Variants in PTBP1 observed in about 807,000 individuals in gnomAD.
PTBP1 encodes polypyrimidine tract-binding protein 1.
A neutral mutation model predicts 59.8 loss-of-function variants in PTBP1; 8 were observed. The ratio of observed to expected loss-of-function variants is 0.13; its 90% confidence interval spans 0.08 to 0.24. PTBP1 has a LOEUF of 0.24. Ranked by LOEUF, PTBP1 falls within the 10% of genes least tolerant of loss-of-function variation. The probability of loss-of-function intolerance (pLI) is 1.00; values close to 1 mark genes in which losing one functional copy is unlikely to be tolerated. For missense variants in PTBP1, 686 were observed against 767.0 expected, an observed-to-expected ratio of 0.89 and a Z score of 1.25; for synonymous variants, 490 against 320.7, an observed-to-expected ratio of 1.53 and a Z score of -5.64.
intron 7 of PTBP1, 32 bp from the exon 8 acceptor site, chr19:804,981 C>G (rs1276960211): frequency 1.2e-6 from 2 of 1,612,224 alleles, no homozygotes; most frequent in Non-Finnish European, 1.7e-6. Flanking sequence ...TGGCCCTGGC[C>G]CGGCGACGTC....
In PTBP1 at chr19:799,394, C is replaced by A; in HGVS notation, c.9-19C>A. 1 of 1,613,660 alleles carries A rather than the reference C, an allele frequency of 6.2e-7. No homozygotes were observed. Among genetic ancestry groups the A allele is most frequent in the Non-Finnish European group, 8.5e-7 (1 of 1,179,710 alleles). On this transcript the variant is annotated intron_variant, in intron 1 of 14. Coordinates refer to ENST00000356948, the MANE Select transcript of PTBP1 (RefSeq NM_002819.5). ...AGTGGCCACCAGGCTAACGTTGTCTCCTTTCTTTCTCTCTACAGCATTGTC... is the reference window on the plus strand; with the variant it reads ...AGTGGCCACCAGGCTAACGTTGTCTACTTTCTTTCTCTCTACAGCATTGTC...
intron 1 of PTBP1, among the ~76,000 whole-genome samples, chr19:797,907 G>GCCCGTCGCGCGTCCCCGTTGGC (rs2034145935): frequency 6.7e-6 from 1 of 148,704 alleles, no homozygotes. Context: ...CGCCTGCGTA[G>GCCCGTCGCGCGTCCCCGTTGGC]CCCGTCGCGC....
At chr19:799,765 C>T (rs974211753) in intron 2 of PTBP1, among the ~76,000 whole-genome samples, 2 of 152,160 alleles carry the variant, frequency 1.3e-5, no homozygotes, top group Non-Finnish European at 2.9e-5. Flanking sequence ...GGAATCGTGC[C>T]GTTCAGTGGG....
chr19:798,101 T>TGCCCCC (rs2034160132), intron 1 of PTBP1, among the ~76,000 whole-genome samples: 2 of 148,672 alleles, frequency 1.3e-5, no homozygotes, highest in South Asian at 4.6e-4. Flanking sequence ...GCCCTACCCC[T>TGCCCCC]GCCCCCCGTG....
chr19:808,870 G>A lies in PTBP1; in HGVS notation c.1463+108G>A, dbSNP rs540948995. On this transcript the variant is annotated intron_variant, in intron 13 of 14. Coordinates refer to ENST00000356948, the MANE Select transcript of PTBP1 (RefSeq NM_002819.5). This position sits in a 1 kb window ranked among gnomAD's most constrained non-coding sequence, Gnocchi z 4.7. Reference sequence around the variant, plus strand: ...TTCTGGCGTTTCCAGAGTGCAGGTCGGGCACCTCTTACCCCAAACCTGAAG... The same window carrying A: ...TTCTGGCGTTTCCAGAGTGCAGGTCAGGCACCTCTTACCCCAAACCTGAAG... 4.8e-5 allele frequency: 52 copies of A among 1,077,030 alleles called. No individual in the cohort carries two copies. The African/African-American group carries it at 6.6e-4, about 14-fold the overall frequency. 66.7% of individuals were successfully genotyped at this position (1,077,030 alleles called of 1,614,324 possible).
intron 8 of PTBP1, 140 bp from the exon 9 acceptor site, chr19:805,352 G>C (rs351979): frequency 3.4e-6 from 4 of 1,185,754 alleles, no homozygotes; most frequent in South Asian, 1.4e-5. Flanking sequence ...CGGGACCACG[G>C]CCCCCCCTGG....
intron 2 of PTBP1, among the ~76,000 whole-genome samples, chr19:802,807 C>T (rs554461967): frequency 5.6e-4 from 85 of 152,332 alleles, no homozygotes; most frequent in African/African-American, 2.0e-3. Flanking sequence ...TAGGATCAGT[C>T]TAGTGCAATT....
At chr19:803,698 G>T in intron 3 of PTBP1, 62 bp downstream of exon 3, 1 of 1,434,108 alleles carries the variant, frequency 7.0e-7, no homozygotes, top group Non-Finnish European at 9.8e-7. Context: ...ACAACGTTAC[G>T]TTCTTGTTCT....
At position 811,822 on chromosome 19, in the gene PTBP1, C is replaced by T. The variant is rs999505025; in HGVS notation, c.*996C>T. ...CCTGCAGTCGCCTAGAAAACTTGCT[C>T]TCAAACTTCAGGGTTTTTTCTTCCT... On this transcript the variant is annotated 3_prime_UTR_variant, in exon 15 of 15. Coordinates refer to ENST00000356948, the MANE Select transcript of PTBP1 (RefSeq NM_002819.5). 7.2e-5 allele frequency: 11 copies of T among 152,478 alleles called. No homozygotes were observed. Among genetic ancestry groups the T allele is most frequent in the Middle Eastern group, 3.2e-3 (1 of 316 alleles). 9.4% of individuals were successfully genotyped at this position (152,478 alleles called of 1,614,324 possible).
chr19:808,908 T>G lies in PTBP1; in HGVS notation c.1463+146T>G, dbSNP rs1343113587. The G allele has an allele frequency of 5.2e-6, 4 of 768,888 alleles. No homozygotes were observed. The highest frequency in any genetic ancestry group is 2.1e-6 in the Non-Finnish European group (1 of 471,592). The allele number at this position is 768,888 out of a possible 1,614,324, so 47.6% of individuals were successfully genotyped here. The stretch of plus-strand genomic sequence containing the variant: ...CCCAAACCTGAAGTACTGCAAGGCC[T>G]GGAGCTTGAGCCGAGGGCTGCTCAA... On this transcript the variant is annotated intron_variant, in intron 13 of 14. Transcript: ENST00000356948. This position sits in a 1 kb window ranked among gnomAD's most constrained non-coding sequence, Gnocchi z 4.7.
chr19:799,312 G>A (rs1209078707), intron 1 of PTBP1, 101 bp from the exon 2 acceptor site: 7 of 1,076,184 alleles, frequency 6.5e-6, no homozygotes, highest in Non-Finnish European at 1.0e-5. Flanking sequence ...GGAGGTGGCA[G>A]CTGCAGGGAC....
intron 9 of PTBP1, chr19:806,043 C>A (rs1478997556): frequency 8.3e-6 from 2 of 241,932 alleles, no homozygotes; most frequent in African/African-American, 4.6e-5. Flanking sequence ...CGCCCGGCGG[C>A]CGCCTCGTCT....
intron 8 of PTBP1, 66 bp downstream of exon 8, chr19:805,253 C>T (rs1020931089): frequency 6.4e-7 from 1 of 1,562,326 alleles, no homozygotes; most frequent in Non-Finnish European, 8.7e-7. Context: ...AGTCCGGAGC[C>T]CCGGCGGCAC....
At chr19:800,538 C>G (rs1453889499) in intron 2 of PTBP1, among the ~76,000 whole-genome samples, 1 of 152,142 alleles carries the variant, frequency 6.6e-6, no homozygotes, top group African/African-American at 2.4e-5. Context: ...GCCCCGAGAG[C>G]CTCCCGCAGG....
chr19:803,291 T>C (rs1396993303), intron 2 of PTBP1, among the ~76,000 whole-genome samples: 1 of 152,198 alleles, frequency 6.6e-6, no homozygotes, highest in Non-Finnish European at 1.5e-5. Context: ...CCTCCGTAGC[T>C]GAGAGCCTCC....
In PTBP1 at chr19:804,319, G is replaced by A. The variant is rs1376797856; in HGVS notation, c.316G>A (p.Ala106Thr). The change falls in exon 5 of 15, where the codon GCT (alanine) becomes ACT (threonine). Residue 106 changes from alanine (A) to threonine (T), a missense_variant. Physicochemically the swap from Ala to Thr is moderately conservative, Grantham distance 58 (BLOSUM62 0). Coordinates refer to ENST00000356948, the MANE Select transcript of PTBP1 (RefSeq NM_002819.5). Reference sequence around the variant, plus strand: ...CTTCATCGAGATGAACACGGAGGAGGCTGCCAACACCATGGTGAACTACTA... The same window carrying A: ...CTTCATCGAGATGAACACGGAGGAGACTGCCAACACCATGGTGAACTACTA... ...QAFIEMNTEE[A>T]ANTMVNYYTS... The A allele has an allele frequency of 1.2e-6, 2 of 1,613,722 alleles. No homozygotes were observed. The highest frequency in any genetic ancestry group is 1.7e-5 in the Admixed American group (1 of 60,006).
Position 810,697 on chromosome 19 carries a change from G to A in PTBP1, c.1545G>A (p.Lys515=), listed in dbSNP as rs911668558. 7 of 1,611,922 alleles carry A rather than the reference G, an allele frequency of 4.3e-6. No individual in the cohort carries two copies. The highest frequency in any genetic ancestry group is 5.9e-6 in the Non-Finnish European group (7 of 1,179,348). ...GCCCTGACCCCCTGTCTTGCAGGAA[G>A]GACCGCAAGATGGCACTGATCCAGA... ...GVVKGFKFFQ[K]DRKMALIQMG... Residue 515 remains lysine (K), a synonymous_variant, in exon 15 of 15, where the codon AAG becomes AAA. Coordinates refer to ENST00000356948, the MANE Select transcript of PTBP1 (RefSeq NM_002819.5).
In PTBP1 at chr19:810,940, A is replaced by G; in HGVS notation, c.*114A>G. 8.8e-7 allele frequency: 1 copy of G among 1,135,982 alleles called. No individual in the cohort carries two copies. The highest frequency in any genetic ancestry group is 1.2e-6 in the Non-Finnish European group (1 of 836,152). 70.4% of individuals were successfully genotyped at this position (1,135,982 alleles called of 1,614,324 possible). A position where few individuals can be genotyped will look rare whatever the true frequency, so the allele number is the denominator to read the frequency against. On this transcript the variant is annotated 3_prime_UTR_variant, in exon 15 of 15. Transcript: ENST00000356948. ...GCAGACCAGAGATTTTATTTTTTTA[A>G]AGAGAAATCAGTTTACCTGTTTTTA...
chr19:797,876 C>T (rs935319931), intron 1 of PTBP1, among the ~76,000 whole-genome samples: 20 of 148,862 alleles, frequency 1.3e-4, no homozygotes, highest in African/African-American at 3.7e-4. Flanking sequence ...CCCTTCCCGC[C>T]TCCCGTCCGC....
Sources: gnomAD v4.1 joint callset for allele counts (sites outside exome capture counted in the v4.1 genomes callset) on GRCh38, gnomAD v4.1.1 for gene constraint, Gnocchi (gnomAD v3.1) non-coding constraint, MANE v1.5 for transcripts, NCBI Gene and HGNC (gene_info 2026-07-23, HGNC 2026-07-21) for gene names.